UBASH3A: variants seen among roughly 807,000 people sequenced by gnomAD.
The protein encoded by UBASH3A is ubiquitin-associated and SH3 domain-containing protein A.
In UBASH3A, 63 loss-of-function variants were observed where a neutral mutation model predicts 73.5. The ratio of observed to expected loss-of-function variants is 0.86; its 90% confidence interval spans 0.70 to 1.06. The LOEUF (loss-of-function observed/expected upper bound fraction) is 1.06. Among genes scored for constraint, UBASH3A ranks in the 50% least tolerant of loss-of-function variants. The pLI, the probability that UBASH3A is intolerant of heterozygous loss-of-function variation, is 0.00. For missense variants in UBASH3A, 860 were observed against 859.0 expected (o/e 1.00, Z -0.02); for synonymous variants, 363 against 351.1 (o/e 1.03, Z -0.38).
At position 42,422,530 on chromosome 21, in the gene UBASH3A, G is replaced by A. The variant is rs1335954626; in HGVS notation, c.1046+3921G>A. ...CACAGCAAGTGAGCAGAGGAAGCCG[G>A]ATTCCAGTCTTATACCTAATCCCAC... is the stretch of plus-strand genomic sequence containing the variant. On this transcript the variant is annotated intron_variant, in intron 7 of 14. Transcript: ENST00000319294. 2.0e-5 allele frequency among the ~76,000 whole-genome samples: 3 copies of A among 152,170 alleles called. No homozygotes were observed. In the East Asian group the frequency reaches 5.8e-4, roughly 29 times the overall value.
intron 7 of UBASH3A, among the ~76,000 whole-genome samples, chr21:42,422,758 G>A (rs1309477483): frequency 6.6e-6 from 1 of 152,198 alleles, no homozygotes; most frequent in Non-Finnish European, 1.5e-5. Flanking sequence ...GCAGAACGAT[G>A]TGTATGGCAT....
At chr21:42,419,296 T>C (rs75787833) in intron 7 of UBASH3A, among the ~76,000 whole-genome samples, 2,622 of 152,346 alleles carry the variant, frequency 0.017, 79 homozygotes, top group African/African-American at 0.059. Context: ...AATCATCAGA[T>C]ACTGGTTCTT....
chr21:42,447,523 CACA>C lies in UBASH3A; in HGVS notation c.*330_*332del. 4.3e-6 allele frequency: 1 copy of C among 233,868 alleles called. No homozygotes were observed. The highest frequency in any genetic ancestry group is 8.2e-6 in the Non-Finnish European group (1 of 121,408). The allele number at this position is 233,868 out of a possible 1,614,324, so 14.5% of individuals were successfully genotyped here. A position where few individuals can be genotyped will look rare whatever the true frequency, so the allele number is the denominator to read the frequency against. ...ACTTCCAGGAATTAAAGACTCACCA[CACA>C]CGAAGGATCTAACCACTTCATTTTC... On this transcript the variant is annotated 3_prime_UTR_variant, in exon 15 of 15. Transcript: ENST00000319294.
intron 7 of UBASH3A, among the ~76,000 whole-genome samples, chr21:42,425,186 G>A (rs977506931): frequency 3.3e-5 from 5 of 152,256 alleles, no homozygotes; most frequent in Non-Finnish European, 7.3e-5. Context: ...GTAAGTTACT[G>A]TCAAGAGGCT....
intron 6 of UBASH3A, among the ~76,000 whole-genome samples, chr21:42,417,859 C>CTT (rs200264316): frequency 1.6e-5 from 2 of 125,636 alleles, no homozygotes; most frequent in Non-Finnish European, 3.5e-5. Flanking sequence ...AAATGTATCT[C>CTT]TTTTTTTTTT....
intron 2 of UBASH3A, among the ~76,000 whole-genome samples, chr21:42,407,659 G>T (rs541928104): frequency 5.8e-4 from 88 of 152,244 alleles, no homozygotes; most frequent in African/African-American, 2.0e-3. Context: ...GGGAAGCAGG[G>T]CCTCACACGT....
intron 11 of UBASH3A, among the ~76,000 whole-genome samples, chr21:42,440,523 C>T (rs1042884225): frequency 6.6e-6 from 1 of 152,224 alleles, no homozygotes. Flanking sequence ...TCTCCCCTGT[C>T]GCTGGTCTTT....
intron 11 of UBASH3A, among the ~76,000 whole-genome samples, chr21:42,438,690 G>A (rs1483372760): frequency 2.0e-5 from 3 of 152,290 alleles, no homozygotes; most frequent in East Asian, 3.9e-4. Flanking sequence ...GCCGAGCACG[G>A]GGGAGGTGAG....
intron 8 of UBASH3A, among the ~76,000 whole-genome samples, chr21:42,429,756 TC>T (rs1425454892): frequency 6.6e-6 from 1 of 152,108 alleles, no homozygotes; most frequent in Non-Finnish European, 1.5e-5. Flanking sequence ...CTGAAGCTGT[TC>T]CCCAGGAGAT....
At chr21:42,434,690 G>C (rs533585938) in intron 9 of UBASH3A, 142 bp from the exon 10 acceptor site, 1 of 946,132 alleles carries the variant, frequency 1.1e-6, no homozygotes, top group South Asian at 1.8e-5. Flanking sequence ...CCACGTTGCA[G>C]AGAATGTTCA....
In UBASH3A at chr21:42,409,525, T is replaced by C. The variant is rs369344508; in HGVS notation, c.271T>C (p.Phe91Leu). 6 of 1,613,874 alleles carry C rather than the reference T, an allele frequency of 3.7e-6. No individual in the cohort carries two copies. Among genetic ancestry groups the C allele is most frequent in the Non-Finnish European group, 4.2e-6 (5 of 1,179,988 alleles). ...GCCCCTGCTGGAAAAACTTCAAGAG[T>C]TCTGGAGAGAGAGCAAGCGCCAGTG... ...TGPLLEKLQEFWRESKRQCAK... is the reference protein window; with the variant it reads ...TGPLLEKLQELWRESKRQCAK... Residue 91 changes from phenylalanine (F) to leucine (L), a missense_variant, in exon 3 of 15, where the codon TTC (phenylalanine) becomes CTC (leucine). Physicochemically the swap from Phe to Leu is conservative, Grantham distance 22. Coordinates refer to ENST00000319294, the MANE Select transcript of UBASH3A (RefSeq NM_018961.4).
chr21:42,447,092 TAA>T lies in UBASH3A; in HGVS notation c.1886_1887del (p.Lys629ArgfsTer24). 1 of 1,613,694 alleles carries T rather than the reference TAA, an allele frequency of 6.2e-7. No homozygotes were observed. On this transcript the variant is annotated frameshift_variant, in exon 15 of 15. Coordinates refer to ENST00000319294, the MANE Select transcript of UBASH3A (RefSeq NM_018961.4). LOFTEE classifies it low-confidence loss of function (END_TRUNC). ...SLGMCFCEEN[K>X]EEGKWELVNP... The stretch of plus-strand genomic sequence containing the variant: ...TGGGCATGTGCTTCTGTGAAGAAAA[TAA>T]AGAGGAAGGAAAATGGGAGTTGGTG...
chr21:42,418,654 T>C, intron 7 of UBASH3A, 45 bp downstream of exon 7: 1 of 1,563,564 alleles, frequency 6.4e-7, no homozygotes, highest in Non-Finnish European at 8.7e-7. Context: ...CTCTCTGAGT[T>C]ACTGTGTGAG....
chr21:42,434,856 A>G lies in UBASH3A; in HGVS notation c.1295A>G (p.Asn432Ser), dbSNP rs556104888. ...PDGKYYRPDL[N>S]FPCSLPRRSR... Reference sequence around the variant, plus strand: ...GGGAAATACTACAGGCCAGACCTGAATTTCCCCTGCAGTCTGCCAAGACGG... The same window carrying G: ...GGGAAATACTACAGGCCAGACCTGAGTTTCCCCTGCAGTCTGCCAAGACGG... The change falls in exon 10 of 15, where the codon AAT (asparagine) becomes AGT (serine). Residue 432 changes from asparagine (N) to serine (S), a missense_variant. Coordinates refer to ENST00000319294, the MANE Select transcript of UBASH3A (RefSeq NM_018961.4). The G allele has an allele frequency of 1.2e-6, 2 of 1,614,138 alleles. No homozygotes were observed. The highest frequency in any genetic ancestry group is 2.7e-5 in the African/African-American group (2 of 75,044).
rs1046077027 is a variant in UBASH3A, at chr21:42,416,512, G to A, written c.738G>A (p.Gln246=). ...CCCACAAGTTCTACCCCCACCACCA[G>A]AGGACGCTGGAGCAGCTGGCCAGAG... ...TLAHKFYPHH[Q]RTLEQLARAI... Residue 246 remains glutamine (Q), a synonymous_variant, in exon 6 of 15, where the codon CAG becomes CAA. Coordinates refer to ENST00000319294, the MANE Select transcript of UBASH3A (RefSeq NM_018961.4). The A allele has an allele frequency of 1.2e-6, 2 of 1,611,952 alleles. No individual in the cohort carries two copies. Among genetic ancestry groups the A allele is most frequent in the Admixed American group, 3.4e-5 (2 of 59,694 alleles).
intron 9 of UBASH3A, among the ~76,000 whole-genome samples, chr21:42,433,331 C>A (rs1244963711): frequency 6.6e-6 from 1 of 152,168 alleles, no homozygotes; most frequent in African/African-American, 2.4e-5. Flanking sequence ...CCAAGGTGAC[C>A]AACCTCAGGG....
chr21:42,411,442 A>G (rs1434010938), intron 3 of UBASH3A, among the ~76,000 whole-genome samples: 1 of 152,092 alleles, frequency 6.6e-6, no homozygotes, highest in Non-Finnish European at 1.5e-5. Flanking sequence ...GCACACATAC[A>G]GACACACACA....
At position 42,447,285 on chromosome 21, in the gene UBASH3A, A is replaced by G; in HGVS notation, c.*91A>G. On this transcript the variant is annotated 3_prime_UTR_variant, in exon 15 of 15. Coordinates refer to ENST00000319294, the MANE Select transcript of UBASH3A (RefSeq NM_018961.4). ...ATGCTGCTGTTTCCAGAGGCGTCTT[A>G]GTCTCACCCAATGTGATTTGTAGAA... 1 of 1,357,064 alleles carries G rather than the reference A, an allele frequency of 7.4e-7. No individual in the cohort carries two copies. Among genetic ancestry groups the G allele is most frequent in the Non-Finnish European group, 1.0e-6 (1 of 989,958 alleles). 84.1% of individuals were successfully genotyped at this position (1,357,064 alleles called of 1,614,324 possible). A position where few individuals can be genotyped will look rare whatever the true frequency, so the allele number is the denominator to read the frequency against.
intron 10 of UBASH3A, among the ~76,000 whole-genome samples, chr21:42,436,446 TTC>T (rs2053629119): frequency 6.6e-6 from 1 of 152,182 alleles, no homozygotes; most frequent in Admixed American, 6.5e-5. Context: ...AGGTGACATT[TTC>T]TGTCTTCCTC....
Sources: gnomAD v4.1 joint callset for allele counts (sites outside exome capture counted in the v4.1 genomes callset) on GRCh38, gnomAD v4.1.1 for gene constraint, MANE v1.5 for transcripts, NCBI Gene and HGNC (gene_info 2026-07-23, HGNC 2026-07-21) for gene names.